Variants in CACNA1E observed in about 807,000 individuals in gnomAD.
CACNA1E encodes voltage-dependent R-type calcium channel subunit alpha-1E.
CACNA1E carries 40 observed loss-of-function variants against 259.2 expected under a neutral mutation model. The ratio of observed to expected loss-of-function variants is 0.15; its 90% CI spans 0.12 to 0.20. The LOEUF (loss-of-function observed/expected upper bound fraction) is 0.20, where lower values mean the gene tolerates loss of function less well. Among genes scored for constraint, CACNA1E ranks in the 10% least tolerant of loss-of-function variants. CACNA1E has a pLI of 1.00. For synonymous variants in CACNA1E, 1,104 were observed against 1,138.5 expected, an observed-to-expected ratio of 0.97 and a Z score of 0.61; for missense variants, 1,874 against 3,040.1, an observed-to-expected ratio of 0.62 and a Z score of 9.02.
chr1:181,482,640 C>G (rs1034003586), upstream of CACNA1E, among the ~76,000 whole-genome samples: 2 of 152,280 alleles, frequency 1.3e-5, no homozygotes, highest in Non-Finnish European at 2.9e-5. Context: ...CGCTCGCTGT[C>G]CTCTGCCTCG....
chr1:181,430,521 C>G (rs114863506), intron 2 of CACNA1E, among the ~76,000 whole-genome samples: 1 of 152,184 alleles, frequency 6.6e-6, no homozygotes, highest in Non-Finnish European at 1.5e-5. Flanking sequence ...CCCCACCTCC[C>G]TGTGCAAGTT....
chr1:181,584,304 T>G (rs1488562826), intron 6 of CACNA1E, among the ~76,000 whole-genome samples: 1 of 152,240 alleles, frequency 6.6e-6, no homozygotes, highest in Non-Finnish European at 1.5e-5. Context: ...GGCAGAAATT[T>G]CTTGGAGGTG....
chr1:181,370,943 T>TG (rs1175593717), intron 1 of CACNA1E, among the ~76,000 whole-genome samples: 9 of 152,236 alleles, frequency 5.9e-5, no homozygotes, highest in African/African-American at 2.2e-4. Context: ...TGTTATTTTT[T>TG]GACTTTTTAA....
chr1:181,447,025 G>T lies in CACNA1E; in HGVS notation c.434+33445G>T, dbSNP rs572684559. 7.9e-4 allele frequency among the ~76,000 whole-genome samples: 120 copies of T among 152,230 alleles called. 1 individual carries two copies. The highest frequency in any genetic ancestry group is 2.8e-3 in the African/African-American group (116 of 41,536). On this transcript the variant is annotated intron_variant, in intron 2 of 11. Coordinates refer to the CACNA1E transcript ENST00000524607. Reference sequence around the variant, plus strand: ...CTTCACTGTAGGGTGATTTGGTAAGGTTGCACTTCCAAGGTTCTTACATTC... The same window carrying T: ...CTTCACTGTAGGGTGATTTGGTAAGTTTGCACTTCCAAGGTTCTTACATTC...
intron 6 of CACNA1E, among the ~76,000 whole-genome samples, chr1:181,597,476 A>G (rs916832353): frequency 1.3e-5 from 2 of 152,206 alleles, no homozygotes; most frequent in South Asian, 2.1e-4. Context: ...TGAATGTTAA[A>G]TAATACCGAA....
At chr1:181,347,577 C>T (rs756341191) in intron 1 of CACNA1E, among the ~76,000 whole-genome samples, 6 of 152,234 alleles carry the variant, frequency 3.9e-5, no homozygotes, top group African/African-American at 7.2e-5. Flanking sequence ...ATCGCCCATT[C>T]GAAAGGCCCA....
intron 1 of CACNA1E, among the ~76,000 whole-genome samples, chr1:181,388,639 A>G (rs186423679): frequency 6.6e-6 from 1 of 152,342 alleles, no homozygotes; most frequent in East Asian, 1.9e-4. Context: ...TTGTAATCCC[A>G]GAACTTTGGG....
chr1:181,324,378 G>A lies in CACNA1E; in HGVS notation c.-15+6255G>A, dbSNP rs551108133. The stretch of plus-strand genomic sequence containing the variant: ...CTTCTGAGGAGGTGATATTTAAGCC[G>A]AAGATCAGAATGATAAAAATGAAAT... On this transcript the variant is annotated intron_variant, in intron 1 of 11. Transcript: ENST00000524607. Among the ~76,000 whole-genome samples the A allele has an allele frequency of 1.9e-3, 293 of 152,266 alleles. 1 individual carries two copies. Among genetic ancestry groups the A allele is most frequent in the South Asian group, 6.4e-3 (31 of 4,818 alleles).
chr1:181,629,424 A>G (rs1216014071), intron 6 of CACNA1E, among the ~76,000 whole-genome samples: 1 of 152,206 alleles, frequency 6.6e-6, no homozygotes, highest in African/African-American at 2.4e-5. Context: ...GTCTTACTTC[A>G]ATCTGTAAGT....
At chr1:181,412,351 C>T (rs536114656) in intron 1 of CACNA1E, among the ~76,000 whole-genome samples, 17 of 152,236 alleles carry the variant, frequency 1.1e-4, no homozygotes, top group Admixed American at 3.3e-4. Context: ...TGAGGAGGAT[C>T]GCTTGTGCCC....
intron 6 of CACNA1E, among the ~76,000 whole-genome samples, chr1:181,587,586 A>G (rs3931597): frequency 0.84 from 127,703 of 152,116 alleles, 55,095 homozygotes; most frequent in East Asian, 0.98. Context: ...GACCGTTTTT[A>G]AAATGTGACT....
Position 181,798,538 on chromosome 1 carries a change from C to A in CACNA1E, c.6646C>A (p.Pro2216Thr), listed in dbSNP as rs1373572766. 9 of 1,613,740 alleles carry A rather than the reference C, an allele frequency of 5.6e-6. No individual in the cohort carries two copies. The Middle Eastern group carries it at 4.9e-4, about 88-fold the overall frequency. Reference sequence around the variant, plus strand: ...GACCGAGTCTTCCAACTCTCCGCACCCCCAGCAGAGCCAACATGCCTCCCC... The same window carrying A: ...GACCGAGTCTTCCAACTCTCCGCACACCCAGCAGAGCCAACATGCCTCCCC... The part of the protein sequence containing the change: ...CLTESSNSPH[P>T]QQSQHASPQR... Residue 2216 changes from proline (P) to threonine (T), a missense_variant, in exon 48 of 48, where the codon CCC becomes ACC. Physicochemically the swap from Pro to Thr is conservative, Grantham distance 38 (BLOSUM62 -1). This residue lies in a region of CACNA1E where 542 missense variants were observed against 587.2 expected (regional missense o/e 0.92). Coordinates refer to ENST00000367573, the MANE Select transcript of CACNA1E (RefSeq NM_001205293.3). The surrounding 1 kb of genome is among the most constrained non-coding windows in gnomAD (Gnocchi z 4.2).
chr1:181,551,839 T>C (rs959921087), intron 3 of CACNA1E, among the ~76,000 whole-genome samples: 1 of 152,164 alleles, frequency 6.6e-6, no homozygotes, highest in Non-Finnish European at 1.5e-5. Context: ...CATTTTCTCC[T>C]CTCTCCCTCA....
At chr1:181,766,647 C>G (rs754795151) in intron 35 of CACNA1E, 36 bp downstream of exon 35, 1 of 1,487,698 alleles carries the variant, frequency 6.7e-7, no homozygotes, top group Admixed American at 1.7e-5. Context: ...TGGGGGACAG[C>G]TGTTACCCAG....
At chr1:181,380,204 G>T (rs185823678) in intron 1 of CACNA1E, among the ~76,000 whole-genome samples, 62 of 151,868 alleles carry the variant, frequency 4.1e-4, no homozygotes, top group Admixed American at 3.2e-3. Context: ...CTTGAAAGAG[G>T]CATTGTCAGA....
intron 1 of CACNA1E, among the ~76,000 whole-genome samples, chr1:181,335,343 A>G (rs968255235): frequency 6.6e-6 from 1 of 152,210 alleles, no homozygotes; most frequent in Non-Finnish European, 1.5e-5. Flanking sequence ...ATAATGTCCC[A>G]AGACTGAAAC....
chr1:181,352,798 C>T (rs1375586194), intron 1 of CACNA1E, among the ~76,000 whole-genome samples: 1 of 152,152 alleles, frequency 6.6e-6, no homozygotes, highest in African/African-American at 2.4e-5. Flanking sequence ...GTGCCAGTGT[C>T]TCTTTGATCT....
At chr1:181,359,378 A>G (rs1653693362) in intron 1 of CACNA1E, among the ~76,000 whole-genome samples, 1 of 152,222 alleles carries the variant, frequency 6.6e-6, no homozygotes, top group Admixed American at 6.5e-5. Flanking sequence ...TGGCCTTAAC[A>G]TATGATCTTT....
rs561745265 is a variant in CACNA1E, at chr1:181,510,462, A to G, written c.267-15A>G. 1.3e-6 allele frequency: 2 copies of G among 1,596,770 alleles called. No individual in the cohort carries two copies. The highest frequency in any genetic ancestry group is 1.7e-5 in the Admixed American group (1 of 59,928). ...CCCTCTCTGGTGAATTTGTTCCTTA[A>G]CTCCGCTTTCCCACGCCATTTGAGT... On this transcript the variant is annotated splice_polypyrimidine_tract_variant and intron_variant, in intron 1 of 47. Coordinates refer to ENST00000367573, the MANE Select transcript of CACNA1E (RefSeq NM_001205293.3).
Sources: allele counts gnomAD v4.1 joint callset (sites outside exome capture counted in the v4.1 genomes callset), GRCh38; gene constraint gnomAD v4.1.1; regional missense constraint gnomAD v4.1.1; non-coding constraint Gnocchi (gnomAD v3.1); transcripts MANE v1.5; gene names NCBI Gene and HGNC (gene_info 2026-07-23, HGNC 2026-07-21).